The following SV2B variants were observed in gnomAD, a reference collection of about 807,000 sequenced individuals.
SV2B encodes solute carrier family 22 member B2.
Under a neutral mutation model 73.9 loss-of-function variants are expected in SV2B, and 41 were observed. The observed-to-expected ratio is 0.56, with a 90% confidence interval of 0.43 to 0.72. The LOEUF (loss-of-function observed/expected upper bound fraction) is 0.72. Among genes scored for constraint, SV2B ranks in the 30% least tolerant of loss-of-function variants. The pLI is 0.00. For missense variants in SV2B, 764 were observed against 857.8 expected, an observed-to-expected ratio of 0.89 and a Z score of 1.37; for synonymous variants, 314 against 314.2, an observed-to-expected ratio of 1.00 and a Z score of 0.01.
chr15:91,222,781 G>A (rs2046259595), intron 1 of SV2B, among the ~76,000 whole-genome samples: 1 of 152,172 alleles, frequency 6.6e-6, no homozygotes, highest in South Asian at 2.1e-4. Flanking sequence ...CTTAATCTGT[G>A]TAACGGAGAG....
chr15:91,267,463 C>T lies in SV2B; in HGVS notation c.1120-92C>T. 1.7e-6 allele frequency: 2 copies of T among 1,167,258 alleles called. No individual in the cohort carries two copies. Among genetic ancestry groups the T allele is most frequent in the Non-Finnish European group, 2.5e-6 (2 of 796,406 alleles). 72.3% of individuals were successfully genotyped at this position (1,167,258 alleles called of 1,614,324 possible). A position where few individuals can be genotyped will look rare whatever the true frequency, so the allele number is the denominator to read the frequency against. ...GTTCTCTCCATGGGTTCCTAGGCAA[C>T]TTATTAGAATATCTGAGTAATGAGC... On this transcript the variant is annotated intron_variant, in intron 7 of 12. Transcript: ENST00000394232. The surrounding 1 kb of genome is among the most constrained non-coding windows in gnomAD (Gnocchi z 4.3).
Position 91,292,774 on chromosome 15 carries a change from C to A in SV2B, c.*222C>A. 2.1e-6 allele frequency: 1 copy of A among 469,488 alleles called. No individual in the cohort carries two copies. Among genetic ancestry groups the A allele is most frequent in the Non-Finnish European group, 3.7e-6 (1 of 271,348 alleles). The allele number at this position is 469,488 out of a possible 1,614,324, so 29.1% of individuals were successfully genotyped here. ...AGCCACCCTTAGAATCACAGAGCTG[C>A]GTGTTTAACTTCAAGTCTTCCCAGT... On this transcript the variant is annotated 3_prime_UTR_variant, in exon 13 of 13. Transcript: ENST00000394232.
rs200016125 is a variant in SV2B, at chr15:91,125,781, C to CAAAAAAAAAAAAAAAAAAAAAAAAAAA, written c.-392+25437_-392+25438insAAAAAAAAAAAAAAAAAAAAAAAAAAA. ...CAAAGTGAGACCCTGTCTCAAGGGG[C>CAAAAAAAAAAAAAAAAAAAAAAAAAAA]AAAAAAAAAAAAAAAAAAATTCAGT... On this transcript the variant is annotated intron_variant, in intron 1 of 12. Coordinates refer to ENST00000394232, the MANE Select transcript of SV2B (RefSeq NM_001323032.3). Among the ~76,000 whole-genome samples the CAAAAAAAAAAAAAAAAAAAAAAAAAAA allele has an allele frequency of 2.5e-4, 14 of 57,060 alleles. 1 individual carries two copies. The highest frequency in any genetic ancestry group is 4.5e-4 in the African/African-American group (7 of 15,644). The allele number at this position is 57,060 out of a possible 152,430, so 37.4% of individuals were successfully genotyped here.
intron 1 of SV2B, among the ~76,000 whole-genome samples, chr15:91,204,999 G>C (rs2045585509): frequency 6.6e-6 from 1 of 152,206 alleles, no homozygotes. Flanking sequence ...AGGTTGATCT[G>C]ATGCTGAAGC....
At chr15:91,194,543 T>A (rs1278051365) in intron 1 of SV2B, among the ~76,000 whole-genome samples, 2 of 152,220 alleles carry the variant, frequency 1.3e-5, no homozygotes, top group Non-Finnish European at 2.9e-5. Context: ...TATCTCGTCC[T>A]CTCTCTGAAA....
chr15:91,107,180 G>A (rs1342257132), intron 1 of SV2B, among the ~76,000 whole-genome samples: 1 of 152,108 alleles, frequency 6.6e-6, no homozygotes, highest in African/African-American at 2.4e-5. Context: ...GATGCAAGCT[G>A]CCCTTCATTT....
intron 1 of SV2B, among the ~76,000 whole-genome samples, chr15:91,107,397 C>G (rs1403169575): frequency 1.3e-5 from 2 of 151,548 alleles, no homozygotes; most frequent in African/African-American, 2.4e-5. Context: ...ACTGCAACCT[C>G]TGCCTCCCGG....
chr15:91,159,099 C>T (rs555868700), intron 1 of SV2B, among the ~76,000 whole-genome samples: 1 of 152,160 alleles, frequency 6.6e-6, no homozygotes, highest in South Asian at 2.1e-4. Context: ...AAATCAGTCT[C>T]CAAGAGCATG....
At chr15:91,203,812 G>T (rs1244253670) in intron 1 of SV2B, among the ~76,000 whole-genome samples, 1 of 152,118 alleles carries the variant, frequency 6.6e-6, no homozygotes, top group African/African-American at 2.4e-5. Context: ...TGTGGAGGAA[G>T]GGAGAGCTAC....
chr15:91,145,351 G>A (rs2043117157), intron 1 of SV2B, among the ~76,000 whole-genome samples: 1 of 152,160 alleles, frequency 6.6e-6, no homozygotes, highest in Non-Finnish European at 1.5e-5. Context: ...AGTATTCCAT[G>A]GTGTACATGT....
chr15:91,296,786 CCAAT>C lies in SV2B; in HGVS notation c.*4237_*4240del, dbSNP rs1480665720. ...ATCGTTGGGAGCACACTCCTTCTGC[CCAAT>C]CATTGGGCTCACGCTCCTTCTGCCC... is the stretch of plus-strand genomic sequence containing the variant. On this transcript the variant is annotated 3_prime_UTR_variant, in exon 13 of 13. Transcript: ENST00000394232. 1.9e-5 allele frequency: 3 copies of C among 153,884 alleles called. No homozygotes were observed. Among genetic ancestry groups the C allele is most frequent in the African/African-American group, 7.3e-5 (3 of 40,848 alleles). 9.5% of individuals were successfully genotyped at this position (153,884 alleles called of 1,614,324 possible).
intron 2 of SV2B, among the ~76,000 whole-genome samples, chr15:91,228,111 C>T (rs373514665): frequency 2.6e-5 from 4 of 152,104 alleles, no homozygotes; most frequent in South Asian, 2.1e-4. Context: ...AAATAAAGAA[C>T]CTCTGCATAA....
intron 1 of SV2B, among the ~76,000 whole-genome samples, chr15:91,225,561 T>A (rs1031055551): frequency 1.3e-5 from 2 of 152,178 alleles, no homozygotes; most frequent in African/African-American, 4.8e-5. Context: ...TACTTTAAGT[T>A]CTAGGGTACA....
chr15:91,191,063 C>CTTTTTGTTTTTTTTTTTTTTTTTTTTTTT (rs2044996177), intron 1 of SV2B, among the ~76,000 whole-genome samples: 1 of 64,238 alleles, frequency 1.6e-5, no homozygotes, highest in Non-Finnish European at 3.1e-5. Flanking sequence ...TTTGGTGTTT[C>CTTTTTGTTTTTTTTTTTTTTTTTTTTTTT]TTTTTTTTTT....
At position 91,214,431 on chromosome 15, in the gene SV2B, G is replaced by C; in HGVS notation, c.-391-11442G>C. Among the ~76,000 whole-genome samples the C allele has an allele frequency of 6.6e-6, 1 of 152,174 alleles. No homozygotes were observed. The highest frequency in any genetic ancestry group is 1.5e-5 in the Non-Finnish European group (1 of 68,042). ...TTTATTGAGCTCTTTCTTGGTGATG[G>C]ACACTGTGCCAAACATTTTGAAAAT... On this transcript the variant is annotated intron_variant, in intron 1 of 12. Transcript: ENST00000394232. The surrounding 1 kb of genome is among the most constrained non-coding windows in gnomAD (Gnocchi z 4.7).
chr15:91,238,632 G>C (rs868191309), intron 2 of SV2B, among the ~76,000 whole-genome samples: 1 of 152,250 alleles, frequency 6.6e-6, no homozygotes, highest in Non-Finnish European at 1.5e-5. Context: ...GTAGGCGAGA[G>C]AGGGATGTTG....
chr15:91,264,788 C>T (rs761652505), intron 6 of SV2B, among the ~76,000 whole-genome samples: 68 of 151,990 alleles, frequency 4.5e-4, no homozygotes, highest in Admixed American at 7.9e-4. Flanking sequence ...GGAGTGCACC[C>T]GGAGGAAGGA....
intron 1 of SV2B, among the ~76,000 whole-genome samples, chr15:91,219,072 C>G (rs111530007): frequency 8.9e-4 from 136 of 152,260 alleles, no homozygotes; most frequent in African/African-American, 3.1e-3. Flanking sequence ...CCTCAGCCTC[C>G]CTAGTAGCTG....
chr15:91,273,903 T>C (rs1388867095), intron 9 of SV2B, among the ~76,000 whole-genome samples: 1 of 152,172 alleles, frequency 6.6e-6, no homozygotes, highest in Non-Finnish European at 1.5e-5. Flanking sequence ...TCATAAACAT[T>C]GTACAGCAGT....
Sources: gnomAD v4.1 joint callset for allele counts (sites outside exome capture counted in the v4.1 genomes callset) on GRCh38, gnomAD v4.1.1 for gene constraint, Gnocchi (gnomAD v3.1) non-coding constraint, MANE v1.5 for transcripts, NCBI Gene and HGNC (gene_info 2026-07-23, HGNC 2026-07-21) for gene names.